PCDH7: variants seen among roughly 807,000 people sequenced by gnomAD.
The protein encoded by PCDH7 is protocadherin-7.
Under a neutral mutation model 58.9 loss-of-function variants are expected in PCDH7, and 17 were observed. The ratio of observed to expected loss-of-function variants is 0.29; its 90% CI spans 0.20 to 0.43. The LOEUF (loss-of-function observed/expected upper bound fraction) is 0.43, where lower values mean the gene tolerates loss of function less well. PCDH7 is among the 20% of genes least tolerant of loss of function. The pLI, the probability that PCDH7 is intolerant of heterozygous loss-of-function variation, is 1.00. For missense variants in PCDH7, 1,274 were observed against 1,441.0 expected (o/e 0.88, Z 1.88); for synonymous variants, 664 against 616.4 (o/e 1.08, Z -1.14).
At chr4:31,133,647 C>T (rs1448290510) in intron 3 of PCDH7, among the ~76,000 whole-genome samples, 1 of 152,160 alleles carries the variant, frequency 6.6e-6, no homozygotes, top group African/African-American at 2.4e-5. Flanking sequence ...AGAGGAGAAC[C>T]AAAGTGAAGC....
Position 31,041,931 on chromosome 4 carries a change from T to C in PCDH7, c.*7+91716T>C, listed in dbSNP as rs556486866. 3.3e-5 allele frequency among the ~76,000 whole-genome samples: 5 copies of C among 152,296 alleles called. No individual in the cohort carries two copies. In the East Asian group the frequency reaches 9.7e-4, roughly 29 times the overall value. On this transcript the variant is annotated intron_variant, in intron 3 of 3. Transcript: ENST00000509759. ...TTCATAGAAGTGAAATATTTTTTCC[T>C]TCAAGAGAGTTGTGTGCAACAGGGG...
Position 30,789,661 on chromosome 4 carries a change from C to G in PCDH7, c.70+65065C>G, listed in dbSNP as rs180986758. Among the ~76,000 whole-genome samples the G allele has an allele frequency of 1.8e-3, 270 of 152,108 alleles. 6 individuals carry two copies. Among genetic ancestry groups the G allele is most frequent in the Admixed American group, 0.017 (261 of 15,272 alleles). On this transcript the variant is annotated intron_variant, in intron 1 of 3. Transcript: ENST00000509759. ...GCAAAATAGTGTCACTTTCAGAATC[C>G]CAAAGGTGTGGTGGATAATCTTCAG...
intron 1 of PCDH7, among the ~76,000 whole-genome samples, chr4:30,904,008 T>C (rs1258996603): frequency 6.6e-6 from 1 of 152,168 alleles, no homozygotes; most frequent in African/African-American, 2.4e-5. Context: ...GAATGACATG[T>C]GATTTGCAGT....
At chr4:30,909,140 C>G (rs762512611) in intron 1 of PCDH7, among the ~76,000 whole-genome samples, 13 of 152,068 alleles carry the variant, frequency 8.5e-5, no homozygotes, top group Non-Finnish European at 1.8e-4. Context: ...CCCCTTCATG[C>G]TAAAAACACT....
intron 3 of PCDH7, among the ~76,000 whole-genome samples, chr4:30,998,647 C>T (rs556389042): frequency 2.4e-4 from 36 of 152,190 alleles, no homozygotes; most frequent in African/African-American, 7.9e-4. Flanking sequence ...CAAGTCCTCA[C>T]GTGAATCTGA....
intron 3 of PCDH7, among the ~76,000 whole-genome samples, chr4:31,003,779 G>A (rs190032763): frequency 2.1e-3 from 321 of 151,964 alleles, no homozygotes; most frequent in Non-Finnish European, 3.7e-3. Flanking sequence ...GTGGTGGCGG[G>A]CACCTGTAGT....
At chr4:31,019,402 CCTACAGAAATAGGATTCCTGG>C (rs1256507423) in intron 3 of PCDH7, among the ~76,000 whole-genome samples, 2 of 152,058 alleles carry the variant, frequency 1.3e-5, no homozygotes, top group African/African-American at 4.8e-5. Context: ...AAATGATTAG[CCTACAGAAATAGGATTCCTGG>C]CCAGGCATGG....
intron 1 of PCDH7, among the ~76,000 whole-genome samples, chr4:30,730,582 C>T (rs981410718): frequency 6.6e-6 from 1 of 152,102 alleles, no homozygotes; most frequent in African/African-American, 2.4e-5. Flanking sequence ...GACAAGTTAA[C>T]TTCCCCCACC....
Position 30,882,233 on chromosome 4 carries a change from C to T in PCDH7, c.71-37920C>T, listed in dbSNP as rs117566043. On this transcript the variant is annotated intron_variant, in intron 1 of 3. Coordinates refer to the PCDH7 transcript ENST00000509759. ...TTCCTTTTAACTCCTCCTCCTCCTC[C>T]TCTTCTTCTTCATCTTTGTCTTCAT... Among the ~76,000 whole-genome samples the T allele has an allele frequency of 1.8e-4, 27 of 151,480 alleles. No individual in the cohort carries two copies. In the East Asian group the frequency reaches 4.1e-3, roughly 23 times the overall value.
intron 3 of PCDH7, among the ~76,000 whole-genome samples, chr4:31,113,591 C>A (rs867041181): frequency 1.4e-4 from 22 of 152,030 alleles, no homozygotes; most frequent in African/African-American, 5.3e-4. Context: ...TAGTCTCACG[C>A]TGCATAAACA....
At chr4:30,733,569 G>C (rs2109240405), downstream of PCDH7, among the ~76,000 whole-genome samples, 1 of 152,194 alleles carries the variant, frequency 6.6e-6, no homozygotes, top group Admixed American at 6.5e-5. Context: ...TGGGATTACA[G>C]GTGTCCACCA....
intron 1 of PCDH7, among the ~76,000 whole-genome samples, chr4:30,780,330 A>C (rs1412154153): frequency 1.3e-5 from 2 of 151,208 alleles, no homozygotes; most frequent in African/African-American, 4.9e-5. Context: ...ACATGGAGAA[A>C]CCCCCATCTC....
At chr4:30,992,729 C>T (rs971149822) in intron 3 of PCDH7, among the ~76,000 whole-genome samples, 2 of 151,184 alleles carry the variant, frequency 1.3e-5, no homozygotes, top group East Asian at 3.9e-4. Flanking sequence ...ATAACAAGCT[C>T]TTCACTCCTT....
intron 1 of PCDH7, among the ~76,000 whole-genome samples, chr4:30,857,575 A>G (rs987931172): frequency 2.6e-5 from 4 of 152,066 alleles, no homozygotes; most frequent in African/African-American, 9.7e-5. Flanking sequence ...AGTTCTTGGA[A>G]TGTTAGAATT....
intron 3 of PCDH7, among the ~76,000 whole-genome samples, chr4:31,081,465 T>C (rs1759499268): frequency 6.6e-6 from 1 of 152,214 alleles, no homozygotes; most frequent in African/African-American, 2.4e-5. Context: ...TTTAGAAACA[T>C]TACATAACAT....
intron 1 of PCDH7, among the ~76,000 whole-genome samples, chr4:30,769,662 C>T (rs1721165919): frequency 6.6e-6 from 1 of 152,256 alleles, no homozygotes; most frequent in Admixed American, 6.5e-5. Flanking sequence ...AAGATCCACC[C>T]TGTTGTGAGT....
chr4:30,893,791 T>C (rs550385299), intron 1 of PCDH7, among the ~76,000 whole-genome samples: 3 of 152,130 alleles, frequency 2.0e-5, no homozygotes, highest in Non-Finnish European at 4.4e-5. Context: ...CTATTTTTCA[T>C]TGAAGGACCA....
At chr4:31,112,465 A>G (rs1031010344) in intron 3 of PCDH7, among the ~76,000 whole-genome samples, 26 of 152,294 alleles carry the variant, frequency 1.7e-4, no homozygotes, top group African/African-American at 5.8e-4. Flanking sequence ...ACTACTAAAA[A>G]CCAAAGCTAT....
At chr4:31,097,783 T>A (rs1201625431) in intron 3 of PCDH7, among the ~76,000 whole-genome samples, 1 of 151,440 alleles carries the variant, frequency 6.6e-6, no homozygotes, top group Non-Finnish European at 1.5e-5. Context: ...TCTGCCTTTT[T>A]ATATGTGTGC....
Sources: allele counts gnomAD v4.1 joint callset (sites outside exome capture counted in the v4.1 genomes callset), GRCh38; gene constraint gnomAD v4.1.1; transcripts MANE v1.5; gene names NCBI Gene and HGNC (gene_info 2026-07-23, HGNC 2026-07-21).